Variants in HUWE1 observed in about 807,000 individuals in gnomAD.
HUWE1 encodes HECT, UBA and WWE domain containing E3 ubiquitin protein ligase 1.
In HUWE1, 18 loss-of-function variants were observed where a neutral mutation model predicts 299.4. That is an observed-to-expected ratio of 0.06 (90% CI 0.04 to 0.09). HUWE1 has a LOEUF of 0.09. Among genes scored for constraint, HUWE1 ranks in the 10% least tolerant of loss-of-function variants. The probability of loss-of-function intolerance (pLI) is 1.00; values close to 1 mark genes in which losing one functional copy is unlikely to be tolerated. For missense variants in HUWE1, 1,832 were observed against 3,462.3 expected (o/e 0.53, Z 11.82); for synonymous variants, 1,317 against 1,286.1 (o/e 1.02, Z -0.51).
intron 4 of HUWE1, among the ~76,000 whole-genome samples, chrX:53,653,535 T>C (rs2068598996): frequency 9.0e-6 from 1 of 111,677 alleles, no homozygotes; most frequent in Admixed American, 9.5e-5. Context: ...ATTACTAGAT[T>C]AAAGCTGGGA....
chrX:53,601,197 T>C lies in HUWE1; in HGVS notation c.2972-888A>G, dbSNP rs929587181. Among the ~76,000 whole-genome samples, 18 of 109,608 alleles carry C rather than the reference T, an allele frequency of 1.6e-4. 1 individual carries two copies. On this transcript the variant is annotated intron_variant, in intron 28 of 83. Transcript: ENST00000262854. ...TTAAGCCTGATACCTTTTTTTTTTT[T>C]TGGAGACAGGGTCTCGCTCTGTCAT...
rs2064270492 is a variant in HUWE1 at position 53,593,392 on chromosome X, G to A, written c.3713C>T (p.Ala1238Val). 2 of 1,202,669 alleles carry A rather than the reference G, an allele frequency of 1.7e-6. No homozygotes were observed. Among genetic ancestry groups the A allele is most frequent in the East Asian group, 5.9e-5 (2 of 33,814 alleles). ...CTGAGTTACCACAAGGAAGCGCAGT[G>A]CACTGAACTGGGGAAAGTTCTGGAC... Reference protein sequence around the residue: ...GGVQNFPQFSALRFLVVTQKA... With the variant: ...GGVQNFPQFSVLRFLVVTQKA... Residue 1238 changes from alanine (A) to valine (V), a missense_variant, in exon 32 of 84, where the codon GCA (alanine) becomes GTA (valine). This residue lies in a region of HUWE1 where 658 missense variants were observed against 1,282.6 expected (regional missense o/e 0.51). Transcript: ENST00000262854.
intron 21 of HUWE1, 70 bp from the exon 22 acceptor site, chrX:53,615,905 C>A (rs1005586397): frequency 6.5e-6 from 5 of 766,244 alleles, no homozygotes; most frequent in Non-Finnish European, 6.0e-6. Context: ...CTTTTCTGTA[C>A]CAACATATAA....
At position 53,565,222 on chromosome X, in the gene HUWE1, G is replaced by A; in HGVS notation, c.6725C>T (p.Thr2242Ile). The change falls in exon 50 of 84, where the codon ACA becomes ATA. Residue 2242 changes from threonine (T) to isoleucine (I), a missense_variant. Physicochemically the swap from Thr to Ile is moderately conservative, Grantham distance 89. Transcript: ENST00000262854. ...CAAAGGCTTCAGAGCAGCATTGACTGTGTTGGCCATGTTGGGACTGAGATA... is the reference window on the plus strand; with the variant it reads ...CAAAGGCTTCAGAGCAGCATTGACTATGTTGGCCATGTTGGGACTGAGATA... ...LDLSSPNMAN[T>I]VNAALKPLET... The A allele has an allele frequency of 8.3e-7, 1 of 1,209,849 alleles. No individual in the cohort carries two copies. Among genetic ancestry groups the A allele is most frequent in the Non-Finnish European group, 1.1e-6 (1 of 894,052 alleles).
At chrX:53,630,571 C>T (rs782306940) in intron 12 of HUWE1, among the ~76,000 whole-genome samples, 1 of 108,819 alleles carries the variant, frequency 9.2e-6, no homozygotes, top group African/African-American at 3.4e-5. Flanking sequence ...TATTTTGTGA[C>T]TTAATTCAAG....
chrX:53,668,825 C>A (rs1324207132), intron 3 of HUWE1, among the ~76,000 whole-genome samples: 2 of 112,300 alleles, frequency 1.8e-5, no homozygotes, highest in African/African-American at 6.5e-5. Context: ...CTACACATTA[C>A]CTGCATATGA....
chrX:53,619,587 GAA>G (rs1258036934), intron 19 of HUWE1, among the ~76,000 whole-genome samples: 15 of 9,032 alleles, frequency 1.7e-3, no homozygotes, highest in African/African-American at 9.0e-3. Context: ...CAGAGAAATA[GAA>G]GAAAAAAAAA....
intron 4 of HUWE1, among the ~76,000 whole-genome samples, chrX:53,653,073 G>A (rs782145987): frequency 4.5e-5 from 5 of 112,069 alleles, no homozygotes; most frequent in African/African-American, 1.6e-4. Context: ...CTTGAGCTGG[G>A]AGGTCAAGGC....
At chrX:53,536,083 G>T in intron 80 of HUWE1, 64 bp downstream of exon 80, 1 of 723,384 alleles carries the variant, frequency 1.4e-6, no homozygotes, top group Admixed American at 2.3e-5. Flanking sequence ...TAGTTCTAAG[G>T]TGAACCTGGA....
chrX:53,601,980 T>G lies in HUWE1; in HGVS notation c.2971+584A>C, dbSNP rs782781535. Among the ~76,000 whole-genome samples the G allele has an allele frequency of 4.0e-4, 44 of 111,207 alleles. No individual in the cohort carries two copies. In the Middle Eastern group the frequency reaches 0.018, roughly 46 times the overall value. ...CACCGAGCCCGGCCAAAATTTGGAA[T>G]TTTTATCATGAGATAATATAAAAGC... is the stretch of plus-strand genomic sequence containing the variant. On this transcript the variant is annotated intron_variant, in intron 28 of 83. Transcript: ENST00000262854.
chrX:53,642,650 C>A (rs1401953883), intron 7 of HUWE1, among the ~76,000 whole-genome samples: 2 of 112,224 alleles, frequency 1.8e-5, no homozygotes, highest in Non-Finnish European at 3.8e-5. Context: ...CACATACCTG[C>A]CAGGACTTAC....
chrX:53,571,885 T>G (rs1419736658), intron 47 of HUWE1, among the ~76,000 whole-genome samples: 1 of 111,637 alleles, frequency 9.0e-6, no homozygotes, highest in Non-Finnish European at 1.9e-5. Flanking sequence ...CTGGAAAACT[T>G]TTAGCATTAG....
intron 2 of HUWE1, among the ~76,000 whole-genome samples, chrX:53,685,251 G>A (rs2070393532): frequency 9.0e-6 from 1 of 110,971 alleles, no homozygotes; most frequent in Admixed American, 9.6e-5. Flanking sequence ...ATGAACTTTA[G>A]AATCATAGTA....
intron 2 of HUWE1, among the ~76,000 whole-genome samples, chrX:53,681,867 G>C (rs2070174371): frequency 8.9e-6 from 1 of 112,094 alleles, no homozygotes; most frequent in South Asian, 3.6e-4. Context: ...AGAACACTTG[G>C]GTGTGGTTCT....
intron 53 of HUWE1, 152 bp downstream of exon 53, chrX:53,562,679 T>C: frequency 2.0e-6 from 1 of 500,801 alleles, no homozygotes; most frequent in South Asian, 2.7e-5. Context: ...AAAAACTGGC[T>C]GAGGATAAAG....
intron 33 of HUWE1, 24 bp downstream of exon 33, chrX:53,592,374 T>C (rs782234814): frequency 8.9e-7 from 1 of 1,129,800 alleles, no homozygotes; most frequent in Middle Eastern, 2.4e-4. Context: ...GTCTGGACCC[T>C]GGAGTGTGAG....
chrX:53,603,749 C>T (rs900027709), intron 26 of HUWE1, among the ~76,000 whole-genome samples: 2 of 112,158 alleles, frequency 1.8e-5, no homozygotes, highest in Admixed American at 1.9e-4. Flanking sequence ...AGAAAGGCAT[C>T]AGAGGCTACT....
At position 53,595,354 on chromosome X, in the gene HUWE1, A is replaced by G; in HGVS notation, c.3213T>C (p.Val1071=). The part of the protein sequence containing the change: ...RALAELFGLL[V]KLCVGSPVRQ... ...GGACAGGAGATCCCACACAAAGTTTAACAAGAAGTCCAAATAGCTCAGCAA... is the reference window on the plus strand; with the variant it reads ...GGACAGGAGATCCCACACAAAGTTTGACAAGAAGTCCAAATAGCTCAGCAA... Residue 1071 remains valine (V), a synonymous_variant, in exon 30 of 84, where the codon GTT becomes GTC. Coordinates refer to ENST00000262854, the MANE Select transcript of HUWE1 (RefSeq NM_031407.7). The G allele has an allele frequency of 8.3e-7, 1 of 1,211,585 alleles. No individual in the cohort carries two copies. The highest frequency in any genetic ancestry group is 1.1e-6 in the Non-Finnish European group (1 of 895,391).
chrX:53,558,451 T>G (rs1022563911), intron 59 of HUWE1, among the ~76,000 whole-genome samples: 1 of 112,172 alleles, frequency 8.9e-6, no homozygotes, highest in Non-Finnish European at 1.9e-5. Flanking sequence ...GTTTTTCCCT[T>G]GACACTTGAG....
Sources: allele counts gnomAD v4.1 joint callset (sites outside exome capture counted in the v4.1 genomes callset), GRCh38; gene constraint gnomAD v4.1.1; regional missense constraint gnomAD v4.1.1; transcripts MANE v1.5; gene names NCBI Gene and HGNC (gene_info 2026-07-23, HGNC 2026-07-21).